Variants in MTMR9 observed in about 807,000 individuals in gnomAD.
MTMR9 encodes the protein myotubularin-related protein 9.
MTMR9 carries 39 observed loss-of-function variants against 69.5 expected under a neutral mutation model. The observed-to-expected ratio is 0.56, with a 90% CI of 0.43 to 0.73. The LOEUF (loss-of-function observed/expected upper bound fraction) is 0.73. MTMR9 is among the 30% of genes least tolerant of loss of function. MTMR9 has a pLI of 0.00. For synonymous variants in MTMR9, 354 were observed against 240.8 expected, an observed-to-expected ratio of 1.47 and a Z score of -4.35; for missense variants, 900 against 671.2, an observed-to-expected ratio of 1.34 and a Z score of -3.77.
At chr8:11,316,175 ATAAT>A (rs1424821399) in intron 7 of MTMR9, 1 of 152,206 alleles carries the variant, frequency 6.6e-6, no homozygotes, top group Non-Finnish European at 1.5e-5. Flanking sequence ...CTTTTCGTAT[ATAAT>A]TAGAGATTTA....
chr8:11,286,932 C>T (rs147881311), intron 1 of MTMR9, among the ~76,000 whole-genome samples: 1 of 152,232 alleles, frequency 6.6e-6, no homozygotes, highest in African/African-American at 2.4e-5. Context: ...GAATGCCTTG[C>T]CTCTCCCAAG....
chr8:11,298,152 T>G (rs1169601521), intron 2 of MTMR9, among the ~76,000 whole-genome samples: 1 of 152,222 alleles, frequency 6.6e-6, no homozygotes, highest in African/African-American at 2.4e-5. Context: ...GTGAAATGTT[T>G]TCAGTTCTCT....
the MTMR9 span, among the ~76,000 whole-genome samples, chr8:11,336,102 A>G: frequency 6.6e-6 from 1 of 152,222 alleles, no homozygotes; most frequent in Non-Finnish European, 1.5e-5. Context: ...AAGAGGTACA[A>G]TGTAATCAAC....
At chr8:11,287,154 A>G (rs927236521) in intron 1 of MTMR9, among the ~76,000 whole-genome samples, 50 of 152,154 alleles carry the variant, frequency 3.3e-4, no homozygotes, top group African/African-American at 1.2e-3. Context: ...ATTCATTTTT[A>G]TCTCCTTCGA....
chr8:11,331,285 T>C (rs886757812), downstream of MTMR9: 4 of 1,613,886 alleles, frequency 2.5e-6, no homozygotes, highest in Non-Finnish European at 3.4e-6. Context: ...CTTTCTCGTA[T>C]GGCTTACCAG....
At chr8:11,309,463 G>C in intron 5 of MTMR9, 64 bp from the exon 6 acceptor site, 1 of 1,414,224 alleles carries the variant, frequency 7.1e-7, no homozygotes, top group Non-Finnish European at 9.7e-7. Context: ...CTGAATCTTT[G>C]GTTTGGTTTC....
At chr8:11,307,788 C>G (rs1034288010) in intron 5 of MTMR9, among the ~76,000 whole-genome samples, 3 of 152,062 alleles carry the variant, frequency 2.0e-5, no homozygotes, top group Non-Finnish European at 4.4e-5. Context: ...TTTCATTTCT[C>G]TGTTGATGAG....
In MTMR9 at chr8:11,323,851, T is replaced by C. The variant is rs993502948; in HGVS notation, c.*1063T>C. 3 of 152,222 alleles carry C rather than the reference T, an allele frequency of 2.0e-5. No homozygotes were observed. Among genetic ancestry groups the C allele is most frequent in the Non-Finnish European group, 2.9e-5 (2 of 68,030 alleles). The allele number at this position is 152,222 out of a possible 1,614,324, so 9.4% of individuals were successfully genotyped here. On this transcript the variant is annotated 3_prime_UTR_variant, in exon 10 of 10. Transcript: ENST00000221086. ...TTGTCCATTATGTGTTAGGCAAATA[T>C]AACTTAAGTGGAGGGGGAAGTTTAT... is the stretch of plus-strand genomic sequence containing the variant.
At chr8:11,286,333 G>T (rs887260995) in intron 1 of MTMR9, among the ~76,000 whole-genome samples, 6 of 151,816 alleles carry the variant, frequency 4.0e-5, no homozygotes, top group Admixed American at 1.3e-4. Context: ...TGAGCAGGGG[G>T]CTCTTATTAG....
At position 11,306,224 on chromosome 8, in the gene MTMR9, C is replaced by T. The variant is rs754466443; in HGVS notation, c.626C>T (p.Thr209Ile). 51 of 1,613,450 alleles carry T rather than the reference C, an allele frequency of 3.2e-5. 2 individuals carry two copies. The South Asian group carries it at 5.4e-4, about 17-fold the overall frequency. ...IMRSGQPLTG[T>I]NGRRCKEDEK... Reference sequence around the variant, plus strand: ...CGAAGTGGTCAGCCACTCACTGGTACAAACGGGAGGAGGTGCAAGGAGGAC... The same window carrying T: ...CGAAGTGGTCAGCCACTCACTGGTATAAACGGGAGGAGGTGCAAGGAGGAC... Residue 209 changes from threonine (T) to isoleucine (I), a missense_variant, in exon 5 of 10, where the codon ACA (threonine) becomes ATA (isoleucine). By Grantham distance (89) the Thr-to-Ile change is moderately conservative. Transcript: ENST00000221086.
chr8:11,338,844 A>G, the MTMR9 span, among the ~76,000 whole-genome samples: 1 of 152,198 alleles, frequency 6.6e-6, no homozygotes, highest in Non-Finnish European at 1.5e-5. Context: ...GACAGTAGCA[A>G]TTTCCTTCAA....
chr8:11,288,618 A>T (rs1209784563), intron 1 of MTMR9, among the ~76,000 whole-genome samples: 1 of 152,146 alleles, frequency 6.6e-6, no homozygotes, highest in Non-Finnish European at 1.5e-5. Context: ...CGAAGAGGCC[A>T]GTGTGGCTGC....
At chr8:11,315,267 C>T (rs904970357) in intron 7 of MTMR9, among the ~76,000 whole-genome samples, 1 of 152,208 alleles carries the variant, frequency 6.6e-6, no homozygotes, top group Non-Finnish European at 1.5e-5. Context: ...ACTTCCTTCA[C>T]TTAGGAAACT....
intron 1 of MTMR9, among the ~76,000 whole-genome samples, chr8:11,289,480 T>C (rs2572427): frequency 0.023 from 3,480 of 152,028 alleles, 133 homozygotes; most frequent in African/African-American, 0.077. Flanking sequence ...TTTACAGTTA[T>C]ACCTGGTTTT....
intron 5 of MTMR9, among the ~76,000 whole-genome samples, chr8:11,308,927 G>A (rs962562754): frequency 4.6e-5 from 7 of 152,172 alleles, no homozygotes; most frequent in Non-Finnish European, 8.8e-5. Context: ...TCTGCAGGTA[G>A]ATCAGCAGTT....
At chr8:11,331,162 C>T (rs761997296), downstream of MTMR9, 8 of 1,612,776 alleles carry the variant, frequency 5.0e-6, no homozygotes, top group Non-Finnish European at 6.8e-6. Flanking sequence ...CCATCGCCGC[C>T]CTCCGCTCCA....
chr8:11,294,626 T>G (rs1799484848), intron 1 of MTMR9: 1 of 151,098 alleles, frequency 6.6e-6, no homozygotes, highest in Admixed American at 6.6e-5. Flanking sequence ...CTGAGCCTCC[T>G]GAGTAGCTGC....
At chr8:11,318,348 C>G (rs571978959) in intron 8 of MTMR9, 7 of 152,354 alleles carry the variant, frequency 4.6e-5, no homozygotes, top group African/African-American at 1.7e-4. Context: ...CTTGTCATCC[C>G]TGGTTCCTGG....
At chr8:11,329,197 C>T (rs1179607792), downstream of MTMR9, among the ~76,000 whole-genome samples, 1 of 152,170 alleles carries the variant, frequency 6.6e-6, no homozygotes, top group African/African-American at 2.4e-5. Context: ...AGTTCGAGAC[C>T]AGCATGGGAA....
Sources: gnomAD v4.1 joint callset for allele counts (sites outside exome capture counted in the v4.1 genomes callset) on GRCh38, gnomAD v4.1.1 for gene constraint, MANE v1.5 for transcripts, NCBI Gene and HGNC (gene_info 2026-07-23, HGNC 2026-07-21) for gene names.